ANK3: variants seen among roughly 807,000 people sequenced by gnomAD.
ANK3 encodes the protein ankyrin 3, also known as ankyrin-3.
Under a neutral mutation model 370.9 loss-of-function variants are expected in ANK3, and 57 were observed. The ratio of observed to expected loss-of-function variants is 0.15; its 90% CI spans 0.12 to 0.19. ANK3 has a LOEUF of 0.19. Ranked by LOEUF, ANK3 falls within the 10% of genes least tolerant of loss-of-function variation. The pLI is 1.00. For synonymous variants in ANK3, 1,929 were observed against 1,946.3 expected, an observed-to-expected ratio of 0.99 and a Z score of 0.23; for missense variants, 4,439 against 5,302.1, an observed-to-expected ratio of 0.84 and a Z score of 5.06.
chr10:60,510,668 A>C (rs976263023), intron 2 of ANK3, among the ~76,000 whole-genome samples: 1 of 152,020 alleles, frequency 6.6e-6, no homozygotes, highest in Non-Finnish European at 1.5e-5. Context: ...TATATTAAAA[A>C]ATTCAGCCAG....
intron 1 of ANK3, among the ~76,000 whole-genome samples, chr10:60,371,246 A>G (rs2060072478): frequency 6.6e-6 from 1 of 152,148 alleles, no homozygotes; most frequent in Admixed American, 6.6e-5. Context: ...ACGAGTGGCC[A>G]ACAAACATAT....
Position 60,063,144 on chromosome 10 carries a change from C to T in ANK3, c.12562G>A (p.Asp4188Asn), listed in dbSNP as rs775077073. Residue 4188 changes from aspartate (D) to asparagine (N), a missense_variant, in exon 40 of 44, where the codon GAT becomes AAT. This residue lies in a region of ANK3 where 242 missense variants were observed against 228.0 expected (regional missense o/e 1.06). Transcript: ENST00000280772. ...GNISGTRSFA[D>N]ENNVFHDPVD... ...GGGTCATGGAAAACATTGTTCTCAT[C>T]TGCAAAACTTCTGGTGCCTGAAATA... is the stretch of plus-strand genomic sequence containing the variant. 8 of 1,613,242 alleles carry T rather than the reference C, an allele frequency of 5.0e-6. No individual in the cohort carries two copies. Among genetic ancestry groups the T allele is most frequent in the African/African-American group, 1.3e-5 (1 of 74,926 alleles).
At position 60,072,330 on chromosome 10, in the gene ANK3, C is replaced by T; in HGVS notation, c.8551G>A (p.Val2851Ile). Residue 2851 changes from valine (V) to isoleucine (I), a missense_variant, in exon 37 of 44, where the codon GTC becomes ATC. Physicochemically the swap from Val to Ile is conservative, Grantham distance 29 (BLOSUM62 3). Transcript: ENST00000280772. ...CCCGAACTCTCCCATGTTCTAAAGA[C>T]CTTTTTGTCCCATGGTCCCCTAGTT... ...LATRGPWDKKVFRTWESSGAT... is the reference protein window; with the variant it reads ...LATRGPWDKKIFRTWESSGAT... 6.2e-7 allele frequency: 1 copy of T among 1,613,972 alleles called. No individual in the cohort carries two copies.
At chr10:60,295,525 T>C (rs1177585087) in intron 1 of ANK3, among the ~76,000 whole-genome samples, 3 of 152,178 alleles carry the variant, frequency 2.0e-5, no homozygotes, top group Non-Finnish European at 4.4e-5. Context: ...CAAACAAACA[T>C]ACAGGGACTG....
intron 23 of ANK3, chr10:60,144,233 A>ATTTTT (rs1171741847): frequency 2.3e-6 from 1 of 442,804 alleles, no homozygotes; most frequent in Non-Finnish European, 4.5e-6. Context: ...CCAAAACAAA[A>ATTTTT]ATGAGAAATG....
rs79959991 is a variant in ANK3, at chr10:60,664,195, C to T, written c.58-48971G>A. On this transcript the variant is annotated intron_variant, in intron 1 of 43. Coordinates refer to the ANK3 transcript ENST00000373827. ...CACTTCCAAGAATTTCTAGATGGTT[C>T]GGATGAATAAAGAAGAAGAACTTAG... Among the ~76,000 whole-genome samples, 28 of 152,254 alleles carry T rather than the reference C, an allele frequency of 1.8e-4. No homozygotes were observed. The East Asian group carries it at 4.4e-3, about 24-fold the overall frequency.
At chr10:60,244,624 T>C (rs1296951679) in intron 7 of ANK3, among the ~76,000 whole-genome samples, 1 of 152,214 alleles carries the variant, frequency 6.6e-6, no homozygotes, top group Non-Finnish European at 1.5e-5. Context: ...ATTTTTATGT[T>C]TTCTCATTCT....
At chr10:60,489,789 A>G (rs906117484) in intron 2 of ANK3, among the ~76,000 whole-genome samples, 8 of 152,242 alleles carry the variant, frequency 5.3e-5, no homozygotes, top group Non-Finnish European at 1.5e-5. Flanking sequence ...CCTTTTAAAA[A>G]TAATGTAAAC....
At chr10:60,401,171 A>C (rs1277706944) in intron 2 of ANK3, among the ~76,000 whole-genome samples, 1 of 152,206 alleles carries the variant, frequency 6.6e-6, no homozygotes, top group Non-Finnish European at 1.5e-5. Context: ...GAGGTATCTA[A>C]AACAATCTAC....
At chr10:60,544,832 T>G (rs900167721) in intron 2 of ANK3, among the ~76,000 whole-genome samples, 1 of 152,092 alleles carries the variant, frequency 6.6e-6, no homozygotes, top group Non-Finnish European at 1.5e-5. Context: ...CCATATAGCT[T>G]TATCTCAACA....
chr10:60,077,256 G>A (rs1455134199), intron 36 of ANK3, among the ~76,000 whole-genome samples: 1 of 152,098 alleles, frequency 6.6e-6, no homozygotes, highest in African/African-American at 2.4e-5. Flanking sequence ...TATTCCTTTT[G>A]ATGAGAGGAA....
At chr10:60,712,232 GGTGATTATAGCTTGTAATTCA>G (rs1564604573) in intron 1 of ANK3, among the ~76,000 whole-genome samples, 1 of 152,136 alleles carries the variant, frequency 6.6e-6, no homozygotes, top group African/African-American at 2.4e-5. Context: ...TAGTTTATTT[GGTGATTATAGCTTGTAATTCA>G]GTGATTATAG....
At chr10:60,306,427 G>GTA (rs1566442173) in intron 1 of ANK3, among the ~76,000 whole-genome samples, 2 of 85,694 alleles carry the variant, frequency 2.3e-5, no homozygotes, top group East Asian at 6.5e-4. Context: ...CGGTGTATGT[G>GTA]CATATATATA....
intron 2 of ANK3, among the ~76,000 whole-genome samples, chr10:60,592,522 G>T (rs1439108081): frequency 6.6e-6 from 1 of 152,156 alleles, no homozygotes; most frequent in Non-Finnish European, 1.5e-5. Flanking sequence ...CTCTTTGGGA[G>T]GCCAAGGCGG....
intron 43 of ANK3, among the ~76,000 whole-genome samples, chr10:60,033,514 CA>C (rs537623584): frequency 0.035 from 1,767 of 50,486 alleles, 32 homozygotes; most frequent in African/African-American, 0.1. Flanking sequence ...GACTCAGTCT[CA>C]AAAAAAAAAA....
At chr10:60,403,813 T>C (rs1166677267) in intron 2 of ANK3, among the ~76,000 whole-genome samples, 1 of 152,154 alleles carries the variant, frequency 6.6e-6, no homozygotes, top group Non-Finnish European at 1.5e-5. Flanking sequence ...AAACTGTCTC[T>C]TTTTACAAAT....
At chr10:60,245,003 A>C (rs2097531604) in intron 7 of ANK3, among the ~76,000 whole-genome samples, 1 of 152,176 alleles carries the variant, frequency 6.6e-6, no homozygotes, top group Non-Finnish European at 1.5e-5. Context: ...CCCCGTCTCT[A>C]CTAAAAATAC....
At chr10:60,272,171 C>T (rs2098001651) in intron 4 of ANK3, among the ~76,000 whole-genome samples, 1 of 151,064 alleles carries the variant, frequency 6.6e-6, no homozygotes, top group South Asian at 2.1e-4. Flanking sequence ...TCCCTCTTCC[C>T]AGTGCTATGA....
chr10:60,404,794 G>T (rs2063420124), intron 2 of ANK3, among the ~76,000 whole-genome samples: 1 of 152,088 alleles, frequency 6.6e-6, no homozygotes, highest in Non-Finnish European at 1.5e-5. Context: ...ACGAGTGGAA[G>T]AAAATATTTT....
Sources: gnomAD v4.1 joint callset for allele counts (sites outside exome capture counted in the v4.1 genomes callset) on GRCh38, gnomAD v4.1.1 for gene constraint, gnomAD v4.1.1 regional missense constraint, MANE v1.5 for transcripts, NCBI Gene and HGNC (gene_info 2026-07-23, HGNC 2026-07-21) for gene names.